Variants in LRRC69 observed in about 807,000 individuals in gnomAD.
LRRC69 encodes the protein leucine-rich repeat-containing protein 69.
In LRRC69, 42 loss-of-function variants were observed where a neutral mutation model predicts 37.8. The observed-to-expected ratio is 1.11, with a 90% CI of 0.87 to 1.44. The LOEUF is 1.44. LRRC69 is among the 40% of genes most tolerant of loss of function. The pLI, the probability that LRRC69 is intolerant of heterozygous loss-of-function variation, is 0.00. For synonymous variants in LRRC69, 141 were observed against 143.1 expected (o/e 0.99, Z 0.11); for missense variants, 357 against 401.9 (o/e 0.89, Z 0.96).
In LRRC69 at chr8:91,199,300, C is replaced by A. The variant is rs115920302; in HGVS notation, c.754-1313C>A. Among the ~76,000 whole-genome samples the A allele has an allele frequency of 4.7e-3, 710 of 152,174 alleles. 5 individuals carry two copies. The highest frequency in any genetic ancestry group is 0.016 in the African/African-American group (680 of 41,520). On this transcript the variant is annotated intron_variant, in intron 6 of 7. Coordinates refer to ENST00000448384, the Ensembl canonical transcript of LRRC69. ...TGTAATATTAGTGTGAAAGCATGAC[C>A]TCAGTCATGCAACCACCCAGGAGAA...
At chr8:91,156,950 T>C (rs997307648) in intron 5 of LRRC69, among the ~76,000 whole-genome samples, 3 of 151,224 alleles carry the variant, frequency 2.0e-5, no homozygotes, top group Non-Finnish European at 4.4e-5. Flanking sequence ...TATTTCTGGG[T>C]TCTCTATTCT....
intron 1 of LRRC69, among the ~76,000 whole-genome samples, chr8:91,123,502 A>C (rs1298836779): frequency 6.6e-6 from 1 of 152,014 alleles, no homozygotes; most frequent in Admixed American, 6.6e-5. Context: ...CTTTGTGTTA[A>C]TTTAAATCAT....
At chr8:91,156,045 T>C (rs562854357) in intron 5 of LRRC69, among the ~76,000 whole-genome samples, 1 of 149,014 alleles carries the variant, frequency 6.7e-6, no homozygotes, top group East Asian at 2.0e-4. Context: ...TTCTTTGATA[T>C]ACTGATTTCC....
At chr8:91,152,235 G>T (rs755996052) in intron 5 of LRRC69, among the ~76,000 whole-genome samples, 1 of 151,286 alleles carries the variant, frequency 6.6e-6, no homozygotes, top group Non-Finnish European at 1.5e-5. Context: ...AGTATTGCCT[G>T]CGTTTTCTTC....
chr8:91,107,312 A>G lies in LRRC69; in HGVS notation c.183+4468A>G, dbSNP rs78423585. Among the ~76,000 whole-genome samples the G allele has an allele frequency of 2.0e-5, 3 of 147,196 alleles. 1 individual carries two copies. Among genetic ancestry groups the G allele is most frequent in the Admixed American group, 6.7e-5 (1 of 14,826 alleles). Reference sequence around the variant, plus strand: ...ACCATGCCTGGCTAATTTTTTTTGTATTTTTAGTAGAGACGGGGTTTCGCC... The same window carrying G: ...ACCATGCCTGGCTAATTTTTTTTGTGTTTTTAGTAGAGACGGGGTTTCGCC... On this transcript the variant is annotated intron_variant, in intron 1 of 7. Coordinates refer to ENST00000448384, the Ensembl canonical transcript of LRRC69.
intron 5 of LRRC69, among the ~76,000 whole-genome samples, chr8:91,164,204 T>C (rs560975100): frequency 6.6e-6 from 1 of 151,728 alleles, no homozygotes; most frequent in African/African-American, 2.4e-5. Context: ...TAAATTGGGA[T>C]TGTGGAGAAG....
At chr8:91,159,625 A>T (rs957581364) in intron 5 of LRRC69, among the ~76,000 whole-genome samples, 9 of 151,380 alleles carry the variant, frequency 5.9e-5, no homozygotes, top group Admixed American at 4.0e-4. Flanking sequence ...CATTTGACAA[A>T]TCATGTTAAT....
chr8:91,137,952 A>G (rs914793539), intron 5 of LRRC69, among the ~76,000 whole-genome samples: 2 of 152,034 alleles, frequency 1.3e-5, no homozygotes, highest in Non-Finnish European at 2.9e-5. Context: ...CATGAATAAC[A>G]TAGACTTTGG....
At chr8:91,116,803 A>T (rs1813518457) in intron 1 of LRRC69, among the ~76,000 whole-genome samples, 1 of 152,032 alleles carries the variant, frequency 6.6e-6, no homozygotes. Context: ...ACTTAATTTA[A>T]ATTTAATTTA....
chr8:91,215,129 G>T (rs983560803), intron 7 of LRRC69, among the ~76,000 whole-genome samples: 2 of 151,986 alleles, frequency 1.3e-5, no homozygotes, highest in African/African-American at 4.8e-5. Flanking sequence ...TTATCTCAAG[G>T]TCCTTAATTT....
Position 91,143,144 on chromosome 8 carries a change from C to A in LRRC69, c.651+7405C>A, listed in dbSNP as rs76865278. 1.1e-3 allele frequency among the ~76,000 whole-genome samples: 172 copies of A among 152,098 alleles called. 5 individuals carry two copies. The East Asian group carries it at 0.031, about 28-fold the overall frequency. ...AACTTCTTAAACATTTATTCATCAG[C>A]CAATCTAAAATTGGAGAGATTTTTT... On this transcript the variant is annotated intron_variant, in intron 5 of 7. Transcript: ENST00000448384.
At chr8:91,103,878 CCTATT>C (rs761585283) in intron 1 of LRRC69, among the ~76,000 whole-genome samples, 5 of 151,822 alleles carry the variant, frequency 3.3e-5, no homozygotes, top group Admixed American at 6.6e-5. Flanking sequence ...GAGTCATGAA[CCTATT>C]CTCTCCCTCT....
intron 7 of LRRC69, among the ~76,000 whole-genome samples, chr8:91,207,668 C>G (rs925325340): frequency 2.0e-5 from 3 of 152,228 alleles, no homozygotes; most frequent in Non-Finnish European, 4.4e-5. Context: ...GCATTTCAGG[C>G]TAGGCAGTTG....
intron 5 of LRRC69, among the ~76,000 whole-genome samples, chr8:91,171,460 C>A (rs2130583003): frequency 6.6e-6 from 1 of 152,108 alleles, no homozygotes; most frequent in East Asian, 1.9e-4. Context: ...TAAGCTGAAC[C>A]AGCACTGAAC....
At chr8:91,155,554 C>G (rs1808818699) in intron 5 of LRRC69, among the ~76,000 whole-genome samples, 1 of 150,728 alleles carries the variant, frequency 6.6e-6, no homozygotes, top group Non-Finnish European at 1.5e-5. Context: ...AGTCACCCTA[C>G]AGTGCTATAG....
chr8:91,202,039 C>T (rs1355108969), intron 7 of LRRC69, among the ~76,000 whole-genome samples: 4 of 151,950 alleles, frequency 2.6e-5, no homozygotes, highest in African/African-American at 4.8e-5. Flanking sequence ...AATCACATCT[C>T]TACTAAAAAT....
intron 5 of LRRC69, among the ~76,000 whole-genome samples, chr8:91,166,514 A>C (rs1809033284): frequency 1.5e-5 from 2 of 133,180 alleles, no homozygotes; most frequent in South Asian, 2.6e-4. Flanking sequence ...AAAAAAAAAA[A>C]AACCTATGAA....
intron 5 of LRRC69, among the ~76,000 whole-genome samples, chr8:91,136,900 T>C (rs1232323102): frequency 2.6e-5 from 4 of 152,036 alleles, no homozygotes; most frequent in Admixed American, 2.0e-4. Context: ...CTTTCCTTTT[T>C]AAGGCTGAAT....
chr8:91,194,652 T>A (rs1011314811), intron 6 of LRRC69, among the ~76,000 whole-genome samples: 2 of 152,178 alleles, frequency 1.3e-5, no homozygotes, highest in Admixed American at 6.5e-5. Context: ...TTTGTAGTAT[T>A]CTCTGATGGT....
Sources: gnomAD v4.1 joint callset for allele counts (sites outside exome capture counted in the v4.1 genomes callset) on GRCh38, gnomAD v4.1.1 for gene constraint, MANE v1.5 for transcripts, NCBI Gene and HGNC (gene_info 2026-07-23, HGNC 2026-07-21) for gene names.